ZNF804B: variants seen among roughly 807,000 people sequenced by gnomAD.
ZNF804B encodes the protein zinc finger 804B.
A neutral mutation model predicts 101.4 loss-of-function variants in ZNF804B; 80 were observed. The observed-to-expected ratio is 0.79, with a 90% CI of 0.66 to 0.95. ZNF804B has a LOEUF of 0.95. Among genes scored for constraint, ZNF804B ranks in the 40% least tolerant of loss-of-function variants. The pLI is 0.00. For missense variants in ZNF804B, 1,673 were observed against 1,561.9 expected (o/e 1.07, Z -1.20); for synonymous variants, 622 against 558.8 (o/e 1.11, Z -1.59).
chr7:89,329,243 G>C (rs948219739), intron 3 of ZNF804B, among the ~76,000 whole-genome samples: 1 of 151,668 alleles, frequency 6.6e-6, no homozygotes, highest in Non-Finnish European at 1.5e-5. Flanking sequence ...TCTAGATATA[G>C]AGCCTGAAAC....
intron 1 of ZNF804B, among the ~76,000 whole-genome samples, chr7:88,972,269 A>C (rs534045043): frequency 6.6e-6 from 1 of 151,134 alleles, no homozygotes; most frequent in South Asian, 2.1e-4. Context: ...TAAAATGTCT[A>C]CTCTTTTAAA....
At chr7:89,242,369 T>A (rs1789385193) in intron 2 of ZNF804B, among the ~76,000 whole-genome samples, 1 of 151,988 alleles carries the variant, frequency 6.6e-6, no homozygotes, top group Non-Finnish European at 1.5e-5. Context: ...TTCCCCTATA[T>A]ATTAAAATTA....
intron 1 of ZNF804B, among the ~76,000 whole-genome samples, chr7:88,806,173 T>A (rs1022686525): frequency 8.5e-5 from 13 of 152,140 alleles, no homozygotes; most frequent in Non-Finnish European, 1.8e-4. Flanking sequence ...AATCTAAACA[T>A]TAATCATACA....
At chr7:89,075,854 C>T (rs919569044) in intron 1 of ZNF804B, among the ~76,000 whole-genome samples, 2 of 152,234 alleles carry the variant, frequency 1.3e-5, no homozygotes, top group Admixed American at 6.5e-5. Flanking sequence ...GGGAACCCAT[C>T]TCTTGGATCA....
chr7:88,888,388 C>T (rs11973646), intron 1 of ZNF804B, among the ~76,000 whole-genome samples: 68,549 of 151,712 alleles, frequency 0.45, 17,178 homozygotes, highest in African/African-American at 0.67. Flanking sequence ...GGAGAGTCTG[C>T]CTCAAAAATA....
rs143124960 is a variant in ZNF804B, at chr7:89,262,426, A to G, written c.249+44131A>G. Among the ~76,000 whole-genome samples the G allele has an allele frequency of 4.2e-3, 633 of 152,254 alleles. 5 individuals carry two copies. Among genetic ancestry groups the G allele is most frequent in the African/African-American group, 0.015 (604 of 41,552 alleles). ...CCTGGCTTCTCTATTTATTAGCTAT[A>G]TGACCATGGGTAAGTTAATTACTTT... is the stretch of plus-strand genomic sequence containing the variant. On this transcript the variant is annotated intron_variant, in intron 2 of 3. Coordinates refer to ENST00000333190, the MANE Select transcript of ZNF804B (RefSeq NM_181646.5).
At chr7:88,897,312 A>G (rs1584003652) in intron 1 of ZNF804B, among the ~76,000 whole-genome samples, 1 of 152,184 alleles carries the variant, frequency 6.6e-6, no homozygotes, top group East Asian at 1.9e-4. Flanking sequence ...TCTTTGGCAA[A>G]AGATGTCACA....
At chr7:88,795,128 G>C in intron 1 of ZNF804B, 2 of 461,538 alleles carry the variant, frequency 4.3e-6, no homozygotes, top group Non-Finnish European at 3.8e-6. Context: ...AGTTTTATCA[G>C]GAAACAATGT....
chr7:89,106,600 T>C (rs1424786890), intron 1 of ZNF804B, among the ~76,000 whole-genome samples: 1 of 152,084 alleles, frequency 6.6e-6, no homozygotes, highest in African/African-American at 2.4e-5. Context: ...GAAATACAAT[T>C]AGAAGAAGCC....
chr7:88,877,009 T>A (rs112365291), intron 1 of ZNF804B, among the ~76,000 whole-genome samples: 12,556 of 57,912 alleles, frequency 0.22, 1,412 homozygotes, highest in Non-Finnish European at 0.24. Flanking sequence ...AAAAAAAAAA[T>A]ATATATATAT....
intron 1 of ZNF804B, among the ~76,000 whole-genome samples, chr7:89,146,370 A>G (rs1196652102): frequency 2.0e-5 from 3 of 152,068 alleles, no homozygotes; most frequent in Admixed American, 6.6e-5. Flanking sequence ...ACAATCAGGA[A>G]TTTGTAAGAG....
chr7:88,979,772 T>C (rs1793669943), intron 1 of ZNF804B, among the ~76,000 whole-genome samples: 1 of 151,904 alleles, frequency 6.6e-6, no homozygotes, highest in African/African-American at 2.4e-5. Context: ...TGGAAAGTTC[T>C]CTGTTAATAT....
At chr7:88,928,863 T>A (rs1214853058) in intron 1 of ZNF804B, among the ~76,000 whole-genome samples, 1 of 152,112 alleles carries the variant, frequency 6.6e-6, no homozygotes, top group Non-Finnish European at 1.5e-5. Flanking sequence ...TTCCTAGTTA[T>A]TATTATTGAC....
chr7:88,799,787 A>G (rs935416604), intron 1 of ZNF804B, among the ~76,000 whole-genome samples: 1 of 152,096 alleles, frequency 6.6e-6, no homozygotes, highest in Non-Finnish European at 1.5e-5. Flanking sequence ...GAGCAGGGAA[A>G]AACAATAAAT....
intron 1 of ZNF804B, among the ~76,000 whole-genome samples, chr7:89,136,736 A>AGTGTGT (rs3059353): frequency 2.1e-5 from 3 of 145,672 alleles, no homozygotes; most frequent in South Asian, 4.4e-4. Flanking sequence ...TGTGTGTGTG[A>AGTGTGT]GTGTGTGTGT....
intron 1 of ZNF804B, among the ~76,000 whole-genome samples, chr7:88,930,357 G>T (rs1462901281): frequency 6.6e-6 from 1 of 152,004 alleles, no homozygotes; most frequent in South Asian, 2.1e-4. Context: ...TGTTTCTGTG[G>T]CATCACAAAC....
At chr7:88,875,974 G>T (rs1053907231) in intron 1 of ZNF804B, among the ~76,000 whole-genome samples, 1 of 152,054 alleles carries the variant, frequency 6.6e-6, no homozygotes, top group Non-Finnish European at 1.5e-5. Flanking sequence ...GAGCAAGTGG[G>T]CTTCATCCCT....
At chr7:89,240,694 C>A (rs35016561) in intron 2 of ZNF804B, among the ~76,000 whole-genome samples, 18,553 of 151,722 alleles carry the variant, frequency 0.12, 1,214 homozygotes, top group Middle Eastern at 0.25. Flanking sequence ...CCACTTTTAT[C>A]TTCATCTTCC....
At chr7:89,189,711 G>A (rs10085792) in intron 1 of ZNF804B, among the ~76,000 whole-genome samples, 40,053 of 152,010 alleles carry the variant, frequency 0.26, 5,792 homozygotes, top group African/African-American at 0.38. Flanking sequence ...CGGGGAAGCA[G>A]ATTGTGACTG....
Sources: allele counts gnomAD v4.1 joint callset (sites outside exome capture counted in the v4.1 genomes callset), GRCh38; gene constraint gnomAD v4.1.1; transcripts MANE v1.5; gene names NCBI Gene and HGNC (gene_info 2026-07-23, HGNC 2026-07-21).